The following GRID1 variants were observed in gnomAD, a reference collection of about 807,000 sequenced individuals.
GRID1 encodes glutamate ionotropic receptor delta type subunit 1, also known as glutamate receptor ionotropic, delta-1.
In GRID1, 28 loss-of-function variants were observed where a neutral mutation model predicts 98.0. That is an observed-to-expected ratio of 0.29 (90% CI 0.21 to 0.39). The LOEUF is 0.39. Among genes scored for constraint, GRID1 ranks in the 10% least tolerant of loss-of-function variants. GRID1 has a pLI of 1.00. For missense variants in GRID1, 1,111 were observed against 1,340.5 expected (o/e 0.83, Z 2.67); for synonymous variants, 553 against 538.5 (o/e 1.03, Z -0.37).
rs1842549266 is a variant in GRID1 at position 85,599,902 on chromosome 10, C to CTG, written c.*2370_*2371insCA. ...TTCTCTTGAAGATGCTGGTCTCTCT[C>CTG]TCTCTCTCTCTCTCTCTCACACACA... On this transcript the variant is annotated 3_prime_UTR_variant, in exon 16 of 16. Coordinates refer to ENST00000327946, the MANE Select transcript of GRID1 (RefSeq NM_017551.3). 1 of 89,776 alleles carries CTG rather than the reference C, an allele frequency of 1.1e-5. No homozygotes were observed. The highest frequency in any genetic ancestry group is 2.6e-4 in the East Asian group (1 of 3,910). 5.6% of individuals were successfully genotyped at this position (89,776 alleles called of 1,614,324 possible).
At chr10:86,248,081 T>C (rs1032803665) in intron 2 of GRID1, among the ~76,000 whole-genome samples, 2 of 152,172 alleles carry the variant, frequency 1.3e-5, no homozygotes, top group Non-Finnish European at 2.9e-5. Flanking sequence ...TGCCTCCCAC[T>C]TCCCCCAGAA....
chr10:85,711,753 T>A, intron 12 of GRID1, among the ~76,000 whole-genome samples: 1 of 151,724 alleles, frequency 6.6e-6, no homozygotes, highest in East Asian at 1.9e-4. Context: ...AATAACAAAT[T>A]TAAAACTAAA....
intron 8 of GRID1, among the ~76,000 whole-genome samples, chr10:85,798,288 TAAG>T (rs1378080254): frequency 6.6e-6 from 1 of 152,138 alleles, no homozygotes; most frequent in Non-Finnish European, 1.5e-5. Flanking sequence ...GTGAAGGTAA[TAAG>T]AAGAGATATG....
intron 4 of GRID1, among the ~76,000 whole-genome samples, chr10:86,049,237 G>A (rs1843466467): frequency 1.3e-5 from 2 of 152,202 alleles, no homozygotes; most frequent in African/African-American, 4.8e-5. Flanking sequence ...TTAAGTGGCA[G>A]CCACAGCCTC....
chr10:86,045,640 AGAGT>A (rs1158282215), intron 4 of GRID1, among the ~76,000 whole-genome samples: 2 of 152,038 alleles, frequency 1.3e-5, no homozygotes, highest in East Asian at 3.9e-4. Flanking sequence ...GTGGGGAGAG[AGAGT>A]GAGAGAGTGA....
intron 8 of GRID1, among the ~76,000 whole-genome samples, chr10:85,743,070 C>A: frequency 7.0e-6 from 1 of 141,998 alleles, no homozygotes; most frequent in Non-Finnish European, 1.5e-5. Flanking sequence ...TATCTCCAGA[C>A]ATTGCCAAAA....
Position 85,980,332 on chromosome 10 carries a change from T to C in GRID1, c.727-64093A>G, listed in dbSNP as rs570727265. ...TGGCATACGGCCAGTGCTCAGTGTT[T>C]GTTAAGTGAAGAAACAGTGGGACTG... On this transcript the variant is annotated intron_variant, in intron 4 of 15. Coordinates refer to ENST00000327946, the MANE Select transcript of GRID1 (RefSeq NM_017551.3). Among the ~76,000 whole-genome samples, 19 of 152,382 alleles carry C rather than the reference T, an allele frequency of 1.2e-4. No individual in the cohort carries two copies. In the East Asian group the frequency reaches 2.9e-3, roughly 23 times the overall value.
Position 86,232,552 on chromosome 10 carries a change from C to T in GRID1, c.236-25904G>A, listed in dbSNP as rs539821808. Among the ~76,000 whole-genome samples, 78 of 152,256 alleles carry T rather than the reference C, an allele frequency of 5.1e-4. 1 individual carries two copies. Among genetic ancestry groups the T allele is most frequent in the African/African-American group, 1.9e-3 (77 of 41,552 alleles). Reference sequence around the variant, plus strand: ...CACCTGGACAGATCAAACTAGACTCCAAAGAGATACTGCGAAGTGACTGGA... The same window carrying T: ...CACCTGGACAGATCAAACTAGACTCTAAAGAGATACTGCGAAGTGACTGGA... On this transcript the variant is annotated intron_variant, in intron 2 of 15. Transcript: ENST00000327946.
intron 4 of GRID1, among the ~76,000 whole-genome samples, chr10:86,039,583 G>C (rs1037352104): frequency 6.6e-6 from 1 of 152,162 alleles, no homozygotes; most frequent in Non-Finnish European, 1.5e-5. Context: ...GGAAGAGTTT[G>C]ACAGCCACTG....
chr10:85,864,324 G>A (rs1380772310), intron 6 of GRID1, among the ~76,000 whole-genome samples: 4 of 152,220 alleles, frequency 2.6e-5, no homozygotes, highest in Admixed American at 6.5e-5. Context: ...GAAGCAGATG[G>A]TAAGAGAGGG....
chr10:86,330,247 C>T (rs984971801), intron 2 of GRID1, among the ~76,000 whole-genome samples: 18 of 152,170 alleles, frequency 1.2e-4, no homozygotes, highest in African/African-American at 3.4e-4. Flanking sequence ...TCTTGCAGTG[C>T]GCCAATTTCC....
At chr10:86,205,850 A>G (rs1158305675) in intron 3 of GRID1, among the ~76,000 whole-genome samples, 1 of 152,000 alleles carries the variant, frequency 6.6e-6, no homozygotes, top group Non-Finnish European at 1.5e-5. Context: ...AGCCCTACCC[A>G]GTGTTCCCAA....
At chr10:85,868,043 C>T (rs1843238474) in intron 6 of GRID1, among the ~76,000 whole-genome samples, 2 of 152,198 alleles carry the variant, frequency 1.3e-5, no homozygotes, top group East Asian at 1.9e-4. Flanking sequence ...TGGGGTGGGG[C>T]TGATACTCAG....
intron 2 of GRID1, among the ~76,000 whole-genome samples, chr10:86,334,872 C>T (rs1057224283): frequency 5.3e-5 from 8 of 152,340 alleles, no homozygotes; most frequent in South Asian, 2.1e-4. Flanking sequence ...AATCCACTGC[C>T]ATCTCCTGGC....
chr10:85,777,963 A>G (rs1842347294), intron 8 of GRID1, among the ~76,000 whole-genome samples: 1 of 152,228 alleles, frequency 6.6e-6, no homozygotes, highest in Admixed American at 6.5e-5. Flanking sequence ...ATTTCTGTAC[A>G]TGGTCTATCA....
chr10:85,825,581 G>C (rs1053299770), intron 8 of GRID1, among the ~76,000 whole-genome samples: 4 of 152,046 alleles, frequency 2.6e-5, no homozygotes, highest in Non-Finnish European at 4.4e-5. Flanking sequence ...GTGTTAGTGT[G>C]GAAAAGGTAA....
intron 4 of GRID1, among the ~76,000 whole-genome samples, chr10:86,014,150 A>G (rs1465879647): frequency 6.6e-6 from 1 of 152,236 alleles, no homozygotes; most frequent in Non-Finnish European, 1.5e-5. Flanking sequence ...AGCTCCCACA[A>G]GTCAGGATTT....
At chr10:85,926,573 G>A (rs1417966138) in intron 4 of GRID1, among the ~76,000 whole-genome samples, 1 of 152,114 alleles carries the variant, frequency 6.6e-6, no homozygotes, top group Non-Finnish European at 1.5e-5. Context: ...CTTATAGAAG[G>A]TAGAAACAGA....
intron 2 of GRID1, among the ~76,000 whole-genome samples, chr10:86,227,144 C>G (rs1846364268): frequency 6.6e-6 from 1 of 152,210 alleles, no homozygotes; most frequent in South Asian, 2.1e-4. Flanking sequence ...GGGCAGCTTC[C>G]CAGTGGGGAA....
Sources: allele counts gnomAD v4.1 joint callset (sites outside exome capture counted in the v4.1 genomes callset), GRCh38; gene constraint gnomAD v4.1.1; transcripts MANE v1.5; gene names NCBI Gene and HGNC (gene_info 2026-07-23, HGNC 2026-07-21).